The following PRKAB1 variants were observed in gnomAD, a reference collection of about 807,000 sequenced individuals.
PRKAB1 encodes the protein protein kinase AMP-activated non-catalytic subunit beta 1, also known as 5'-AMP-activated protein kinase subunit beta-1.
PRKAB1 carries 18 observed loss-of-function variants against 32.0 expected under a neutral mutation model. The observed-to-expected ratio is 0.56, with a 90% CI of 0.39 to 0.83. The LOEUF (loss-of-function observed/expected upper bound fraction) is 0.83, where lower values mean the gene tolerates loss of function less well. Among genes scored for constraint, PRKAB1 ranks in the 40% least tolerant of loss-of-function variants. PRKAB1 has a pLI of 0.00. For synonymous variants in PRKAB1, 141 were observed against 141.4 expected (o/e 1.00, Z 0.02); for missense variants, 263 against 352.6 (o/e 0.75, Z 2.03).
rs200063658 is a variant in PRKAB1, at chr12:119,680,353, A to G, written c.*28A>G. 1.3e-6 allele frequency: 2 copies of G among 1,583,172 alleles called. No homozygotes were observed. Among genetic ancestry groups the G allele is most frequent in the African/African-American group, 2.7e-5 (2 of 73,784 alleles). ...AGCTGGGGGCGGATGGTGGCCCAGG[A>G]GACAGCACACCACCAGGCTCCACAC... On this transcript the variant is annotated 3_prime_UTR_variant, in exon 7 of 7. Coordinates refer to ENST00000229328, the MANE Select transcript of PRKAB1 (RefSeq NM_006253.5).
intron 1 of PRKAB1, chr12:119,671,439 A>G: frequency 2.6e-6 from 1 of 388,202 alleles, no homozygotes; most frequent in Admixed American, 2.9e-5. Flanking sequence ...TCAGTTCCGC[A>G]TGGCTGGGGA....
At chr12:119,671,471 A>G (rs758849450) in intron 1 of PRKAB1, 16 of 419,354 alleles carry the variant, frequency 3.8e-5, no homozygotes, top group South Asian at 1.9e-4. Flanking sequence ...ACTTACAATC[A>G]TGGTAAAAGG....
intron 5 of PRKAB1, chr12:119,678,920 G>T (rs571426753): frequency 6.6e-6 from 1 of 152,202 alleles, no homozygotes; most frequent in East Asian, 1.9e-4. Flanking sequence ...AACTTTTTAG[G>T]AACCTTCATG....
rs1383282377 is a variant in PRKAB1, at chr12:119,673,788, G to A, written c.324-176G>A. On this transcript the variant is annotated intron_variant, in intron 2 of 6. Transcript: ENST00000229328. ...TGTGTCGCACTGCTGCTTCCTTATA[G>A]CCTTTTCAGATTGAGGTCATTATGC... is the stretch of plus-strand genomic sequence containing the variant. 5.6e-6 allele frequency: 3 copies of A among 536,426 alleles called. No individual in the cohort carries two copies. The African/African-American group carries it at 5.8e-5, about 10-fold the overall frequency. 33.2% of individuals were successfully genotyped at this position (536,426 alleles called of 1,614,324 possible).
intron 5 of PRKAB1, chr12:119,678,774 T>C (rs1207735121): frequency 6.6e-6 from 1 of 152,270 alleles, no homozygotes; most frequent in Non-Finnish European, 1.5e-5. Flanking sequence ...GACACCTACG[T>C]TGATTCCACG....
At chr12:119,670,927 T>C (rs1360981186) in intron 1 of PRKAB1, among the ~76,000 whole-genome samples, 1 of 152,240 alleles carries the variant, frequency 6.6e-6, no homozygotes, top group Non-Finnish European at 1.5e-5. Context: ...GAAGCCTGCT[T>C]AACTCCCTGA....
chr12:119,669,200 A>G (rs1038103966), intron 1 of PRKAB1, among the ~76,000 whole-genome samples: 7 of 151,796 alleles, frequency 4.6e-5, no homozygotes, highest in South Asian at 4.1e-4. Flanking sequence ...GGTTCAAGCA[A>G]TCTTTATGCC....
intron 6 of PRKAB1, 117 bp downstream of exon 6, chr12:119,680,118 A>G: frequency 5.4e-6 from 8 of 1,478,332 alleles, no homozygotes; most frequent in Non-Finnish European, 7.5e-6. Flanking sequence ...GGTCTGGCAC[A>G]GGCCATCAGG....
At position 119,679,866 on chromosome 12, in the gene PRKAB1, G is replaced by A. The variant is rs564983128; in HGVS notation, c.667-67G>A. 3 of 1,520,232 alleles carry A rather than the reference G, an allele frequency of 2.0e-6. No individual in the cohort carries two copies. The African/African-American group carries it at 4.1e-5, about 21-fold the overall frequency. 94.2% of individuals were successfully genotyped at this position (1,520,232 alleles called of 1,614,324 possible). A position where few individuals can be genotyped will look rare whatever the true frequency, so the allele number is the denominator to read the frequency against. The stretch of plus-strand genomic sequence containing the variant: ...TCCTGTCCTTTGATATCTGGCACTG[G>A]GAAGTAAAGGGGAGAATCTTGGTTT... On this transcript the variant is annotated intron_variant, in intron 5 of 6. Coordinates refer to ENST00000229328, the MANE Select transcript of PRKAB1 (RefSeq NM_006253.5). This position sits in a 1 kb window ranked among gnomAD's most constrained non-coding sequence, Gnocchi z 4.1.
chr12:119,679,279 T>C lies in PRKAB1; in HGVS notation c.667-654T>C, dbSNP rs1349826395. On this transcript the variant is annotated intron_variant, in intron 5 of 6. Coordinates refer to ENST00000229328, the MANE Select transcript of PRKAB1 (RefSeq NM_006253.5). The surrounding 1 kb of genome is among the most constrained non-coding windows in gnomAD (Gnocchi z 4.1). ...GAATGGCCTCCCAGCGGGAGCTTGC[T>C]GAGTATTTGTTGACACAATGATTGG... The C allele has an allele frequency of 6.6e-6, 1 of 152,402 alleles. No individual in the cohort carries two copies. The highest frequency in any genetic ancestry group is 1.9e-4 in the East Asian group (1 of 5,204). The allele number at this position is 152,402 out of a possible 1,614,324, so 9.4% of individuals were successfully genotyped here.
At position 119,681,513 on chromosome 12, in the gene PRKAB1, T is replaced by C. The variant is rs960878157; in HGVS notation, c.*1188T>C. The C allele has an allele frequency of 3.9e-5, 6 of 152,220 alleles. No homozygotes were observed. The highest frequency in any genetic ancestry group is 6.5e-5 in the Admixed American group (1 of 15,278). 9.4% of individuals were successfully genotyped at this position (152,220 alleles called of 1,614,324 possible). On this transcript the variant is annotated 3_prime_UTR_variant, in exon 7 of 7. Transcript: ENST00000229328. ...GGAGTGAGCTCCCTGGGTTCCAGTATTTACTTGGTATACCTGAGTTTGGGG... is the reference window on the plus strand; with the variant it reads ...GGAGTGAGCTCCCTGGGTTCCAGTACTTACTTGGTATACCTGAGTTTGGGG...
At chr12:119,669,048 C>G (rs1456061626) in intron 1 of PRKAB1, among the ~76,000 whole-genome samples, 1 of 151,064 alleles carries the variant, frequency 6.6e-6, no homozygotes, top group Non-Finnish European at 1.5e-5. Flanking sequence ...ACCCGGGAGG[C>G]GCAGCTTGCA....
At chr12:119,670,951 G>T (rs533532635) in intron 1 of PRKAB1, among the ~76,000 whole-genome samples, 1 of 152,208 alleles carries the variant, frequency 6.6e-6, no homozygotes, top group African/African-American at 2.4e-5. Context: ...GTCTTTTCCA[G>T]CCTGAACCTT....
Position 119,680,337 on chromosome 12 carries a change from C to T in PRKAB1, c.*12C>T, listed in dbSNP as rs372902331. The T allele has an allele frequency of 4.3e-5, 69 of 1,610,158 alleles. No homozygotes were observed. Among genetic ancestry groups the T allele is most frequent in the African/African-American group, 3.3e-4 (25 of 74,968 alleles). On this transcript the variant is annotated 3_prime_UTR_variant, in exon 7 of 7. Transcript: ENST00000229328. ...ACAAGCCCATATGAAGAGCTGGGGG[C>T]GGATGGTGGCCCAGGAGACAGCACA...
intron 4 of PRKAB1, among the ~76,000 whole-genome samples, chr12:119,675,209 G>T (rs548499015): frequency 5.9e-5 from 9 of 152,320 alleles, no homozygotes; most frequent in African/African-American, 2.2e-4. Context: ...AAGATGCCCT[G>T]GCAGAATATC....
At chr12:119,672,227 T>A in intron 1 of PRKAB1, 74 bp from the exon 2 acceptor site, 1 of 1,390,404 alleles carries the variant, frequency 7.2e-7, no homozygotes, top group Non-Finnish European at 9.6e-7. Flanking sequence ...GCTGCGTCTT[T>A]AGAATGAATT....
At chr12:119,668,081 G>T (rs1448142377), upstream of PRKAB1, 5 of 871,306 alleles carry the variant, frequency 5.7e-6, no homozygotes, top group African/African-American at 1.8e-5. Flanking sequence ...CAACCCTGCC[G>T]ACTCAGCCGG....
rs916803572 is a variant in PRKAB1, at chr12:119,675,918, C to A, written c.533-619C>A. Among the ~76,000 whole-genome samples the A allele has an allele frequency of 4.6e-4, 70 of 152,176 alleles. 1 individual carries two copies. Among genetic ancestry groups the A allele is most frequent in the Non-Finnish European group, 1.5e-5 (1 of 68,040 alleles). On this transcript the variant is annotated intron_variant, in intron 4 of 6. Transcript: ENST00000229328. Reference sequence around the variant, plus strand: ...ATCCAGTGTTCTAGCATTATGAAATCCTGCTCTTGTAGCAGCTTCTCAGTG... The same window carrying A: ...ATCCAGTGTTCTAGCATTATGAAATACTGCTCTTGTAGCAGCTTCTCAGTG...
intron 5 of PRKAB1, among the ~76,000 whole-genome samples, chr12:119,677,178 C>G (rs1487872723): frequency 1.3e-5 from 2 of 152,192 alleles, no homozygotes; most frequent in African/African-American, 4.8e-5. Flanking sequence ...TTTTCTGTTC[C>G]ATCTAACCTG....
Sources: allele counts gnomAD v4.1 joint callset (sites outside exome capture counted in the v4.1 genomes callset), GRCh38; gene constraint gnomAD v4.1.1; non-coding constraint Gnocchi (gnomAD v3.1); transcripts MANE v1.5; gene names NCBI Gene and HGNC (gene_info 2026-07-23, HGNC 2026-07-21).